IL17REL: variants seen among roughly 807,000 people sequenced by gnomAD.
IL17REL encodes interleukin 17 receptor E like.
IL17REL carries 36 observed loss-of-function variants against 49.0 expected under a neutral mutation model. The observed-to-expected ratio is 0.73, with a 90% CI of 0.56 to 0.97. The LOEUF (loss-of-function observed/expected upper bound fraction) is 0.97. Among genes scored for constraint, IL17REL ranks in the 50% least tolerant of loss-of-function variants. The pLI is 0.00. For synonymous variants in IL17REL, 206 were observed against 192.4 expected (o/e 1.07, Z -0.58); for missense variants, 470 against 453.9 (o/e 1.04, Z -0.32).
At position 49,999,355 on chromosome 22, in the gene IL17REL, G is replaced by A. The variant is rs201952246; in HGVS notation, c.547-10C>T. ...GGGTCGCAGACCAGCCCTGTGGGAG[G>A]GGCTGGGGTCAGCGCAGCCCACCCA... On this transcript the variant is annotated splice_polypyrimidine_tract_variant and intron_variant, in intron 6 of 12. Transcript: ENST00000341280. The A allele has an allele frequency of 6.2e-7, 1 of 1,612,934 alleles. No homozygotes were observed. The highest frequency in any genetic ancestry group is 8.5e-7 in the Non-Finnish European group (1 of 1,180,006).
downstream of IL17REL, among the ~76,000 whole-genome samples, chr22:49,993,978 A>G (rs1045669424): frequency 5.3e-5 from 8 of 152,028 alleles, no homozygotes; most frequent in Non-Finnish European, 1.2e-4. The surrounding 1 kb of genome is among the most constrained non-coding windows in gnomAD (Gnocchi z 6.0). Context: ...GCAGAGTGGC[A>G]GCTTGTGCTG....
At chr22:49,997,137 C>G in intron 11 of IL17REL, 63 bp from the exon 14 acceptor site, 1 of 1,480,794 alleles carries the variant, frequency 6.8e-7, no homozygotes, top group Non-Finnish European at 9.2e-7. Flanking sequence ...AAACACTGTC[C>G]TTCTCCCACA....
Position 49,999,819 on chromosome 22 carries a change from G to T in IL17REL, c.474+9C>A. The T allele has an allele frequency of 1.3e-6, 2 of 1,498,772 alleles. No homozygotes were observed. Among genetic ancestry groups the T allele is most frequent in the South Asian group, 1.3e-5 (1 of 78,786 alleles). The allele number at this position is 1,498,772 out of a possible 1,614,324, so 92.8% of individuals were successfully genotyped here. On this transcript the variant is annotated intron_variant, in intron 5 of 12. Transcript: ENST00000341280. ...AAGGCTGACCGGGGCCCGGGGCGCG[G>T]GCGCTCACTCGCACAGGGGCGCCGG... is the stretch of plus-strand genomic sequence containing the variant.
At position 49,996,546 on chromosome 22, in the gene IL17REL, G is replaced by A. The variant is rs374839421; in HGVS notation, c.*359C>T. On this transcript the variant is annotated 3_prime_UTR_variant, in exon 13 of 13. Coordinates refer to ENST00000341280, the Ensembl canonical transcript of IL17REL. Reference sequence around the variant, plus strand: ...GAAGGTGGACCCCCAGGGAGGAGGAGGCAAGGCCAGTGACAGTGAGACCAG... The same window carrying A: ...GAAGGTGGACCCCCAGGGAGGAGGAAGCAAGGCCAGTGACAGTGAGACCAG... 3.6e-3 allele frequency: 557 copies of A among 155,204 alleles called. 4 individuals carry two copies. Among genetic ancestry groups the A allele is most frequent in the Non-Finnish European group, 6.3e-3 (440 of 70,020 alleles). 9.6% of individuals were successfully genotyped at this position (155,204 alleles called of 1,614,324 possible).
chr22:50,002,205 AC>A (rs1365432456), intron 1 of IL17REL, among the ~76,000 whole-genome samples: 2 of 152,230 alleles, frequency 1.3e-5, no homozygotes, highest in African/African-American at 4.8e-5. Context: ...TAGGAGTGTT[AC>A]CAAATTCTTT....
chr22:50,002,329 C>G (rs976348462), intron 1 of IL17REL, among the ~76,000 whole-genome samples: 5 of 152,180 alleles, frequency 3.3e-5, no homozygotes, highest in Admixed American at 3.3e-4. Context: ...GCCCTCCTTA[C>G]TCCATTATTT....
chr22:50,006,749 C>A lies in IL17REL; in HGVS notation c.-42+1888G>T, dbSNP rs952842073. Among the ~76,000 whole-genome samples, 5 of 151,946 alleles carry A rather than the reference C, an allele frequency of 3.3e-5. No homozygotes were observed. In the South Asian group the frequency reaches 1.0e-3, roughly 32 times the overall value. On this transcript the variant is annotated intron_variant, in intron 1 of 12. Coordinates refer to ENST00000341280, the Ensembl canonical transcript of IL17REL. The stretch of plus-strand genomic sequence containing the variant: ...CGGGCGGATCATGAGGTCAAGAGAT[C>A]GAGACCAGCCTGGCCAACATGGTGA...
intron 7 of IL17REL, among the ~76,000 whole-genome samples, chr22:49,999,082 C>T (rs1271892218): frequency 1.4e-5 from 2 of 146,574 alleles, no homozygotes; most frequent in African/African-American, 2.6e-5. Flanking sequence ...GGTCCACGTG[C>T]GCACACATGT....
chr22:49,997,123 G>A, intron 11 of IL17REL, 49 bp from the exon 14 acceptor site: 2 of 1,526,924 alleles, frequency 1.3e-6, no homozygotes, highest in Non-Finnish European at 8.9e-7. Context: ...GGGTGGATCA[G>A]GCTAAACACT....
intron 1 of IL17REL, among the ~76,000 whole-genome samples, chr22:50,003,316 G>A (rs764143836): frequency 6.6e-6 from 1 of 151,956 alleles, no homozygotes; most frequent in Non-Finnish European, 1.5e-5. Context: ...GAGATCAGGA[G>A]TTTGAGACCA....
Position 49,996,969 on chromosome 22 carries a change from G to T in IL17REL, c.*44+25C>A. On this transcript the variant is annotated intron_variant, in intron 12 of 12. Transcript: ENST00000341280. ...TCCTGCAGTGGAGGAGATGGCTAGGGGCTGGGCACAGCAGCGACACCCACC... is the reference window on the plus strand; with the variant it reads ...TCCTGCAGTGGAGGAGATGGCTAGGTGCTGGGCACAGCAGCGACACCCACC... 4 of 1,268,214 alleles carry T rather than the reference G, an allele frequency of 3.2e-6. No homozygotes were observed. The South Asian group carries it at 4.3e-5, about 14-fold the overall frequency. The allele number at this position is 1,268,214 out of a possible 1,614,324, so 78.6% of individuals were successfully genotyped here.
At chr22:49,998,841 G>A (rs2061055056) in intron 7 of IL17REL, among the ~76,000 whole-genome samples, 2 of 152,046 alleles carry the variant, frequency 1.3e-5, no homozygotes, top group South Asian at 4.1e-4. Flanking sequence ...GCATGTGTAT[G>A]TGTGTGCATG....
At chr22:49,997,792 G>A (rs751996566) in intron 9 of IL17REL, 50 bp from the exon 12 acceptor site, 1 of 1,579,908 alleles carries the variant, frequency 6.3e-7, no homozygotes, top group Admixed American at 1.7e-5. Flanking sequence ...TGTGAGGCAG[G>A]GGCAGGGACA....
intron 1 of IL17REL, among the ~76,000 whole-genome samples, chr22:50,007,726 T>C (rs975774351): frequency 3.9e-5 from 6 of 152,090 alleles, no homozygotes; most frequent in Non-Finnish European, 8.8e-5. Context: ...CTTTGTGAAT[T>C]TGCATGTCAT....
downstream of IL17REL, among the ~76,000 whole-genome samples, chr22:49,992,382 G>T (rs1052767963): frequency 1.3e-5 from 2 of 152,218 alleles, no homozygotes; most frequent in Admixed American, 1.3e-4. Context: ...TGCAGTCTCT[G>T]TTCACACATC....
upstream of IL17REL, among the ~76,000 whole-genome samples, chr22:50,010,383 C>G (rs1184539567): frequency 1.3e-5 from 2 of 152,222 alleles, no homozygotes; most frequent in Non-Finnish European, 2.9e-5. Flanking sequence ...GGTGGGCAGG[C>G]GAGGGCAGCC....
At chr22:49,997,571 G>A (rs13054006) in intron 10 of IL17REL, 88 bp from the exon 13 acceptor site, 1 of 1,385,256 alleles carries the variant, frequency 7.2e-7, no homozygotes, top group African/African-American at 1.4e-5. Context: ...CCTGCCCACT[G>A]TACCTCCCCC....
At chr22:49,997,592 G>A in intron 10 of IL17REL, 93 bp downstream of exon 12, 1 of 1,452,494 alleles carries the variant, frequency 6.9e-7, no homozygotes, top group South Asian at 1.1e-5. Context: ...ACACTGGCTT[G>A]GCACCGTTAT....
exon 7 of IL17REL, chr22:49,999,319 C>T (rs2061059348): frequency 1.2e-6 from 2 of 1,613,024 alleles, no homozygotes; most frequent in East Asian, 2.2e-5. Context: ...TCTGGATCCG[C>T]ACCGCGTCAG....
Sources: allele counts gnomAD v4.1 joint callset (sites outside exome capture counted in the v4.1 genomes callset), GRCh38; gene constraint gnomAD v4.1.1; non-coding constraint Gnocchi (gnomAD v3.1); transcripts MANE v1.5; gene names NCBI Gene and HGNC (gene_info 2026-07-23, HGNC 2026-07-21).